The following RBFOX1 variants were observed in gnomAD, a reference collection of about 807,000 sequenced individuals.
The protein encoded by RBFOX1 is RNA binding protein fox-1 homolog 1.
In RBFOX1, 8 loss-of-function variants were observed where a neutral mutation model predicts 57.7. The observed-to-expected ratio is 0.14, with a 90% CI of 0.08 to 0.25. RBFOX1 has a LOEUF of 0.25. Among genes scored for constraint, RBFOX1 ranks in the 10% least tolerant of loss-of-function variants. The pLI is 1.00. For synonymous variants in RBFOX1, 326 were observed against 222.4 expected, an observed-to-expected ratio of 1.47 and a Z score of -4.15; for missense variants, 611 against 548.5, an observed-to-expected ratio of 1.11 and a Z score of -1.14.
At chr16:7,452,323 C>T (rs2098875009) in intron 4 of RBFOX1, among the ~76,000 whole-genome samples, 2 of 152,132 alleles carry the variant, frequency 1.3e-5, no homozygotes, top group African/African-American at 4.8e-5. Flanking sequence ...ATGAGTCAGC[C>T]CGCGTTAGCG....
At position 7,526,223 on chromosome 16, in the gene RBFOX1, T is replaced by G. The variant is rs191660358; in HGVS notation, c.270+7834T>G. Among the ~76,000 whole-genome samples the G allele has an allele frequency of 1.9e-3, 285 of 152,292 alleles. 2 individuals carry two copies. The highest frequency in any genetic ancestry group is 4.1e-3 in the South Asian group (20 of 4,824). ...AAACCATCCTCCCTGCCCCACTGTG[T>G]CCATGGAAAAATTGTCTTCCACAAA... On this transcript the variant is annotated intron_variant, in intron 5 of 15. Transcript: ENST00000550418.
intron 2 of RBFOX1, among the ~76,000 whole-genome samples, chr16:6,515,895 A>G (rs139820637): frequency 6.6e-6 from 1 of 152,266 alleles, no homozygotes; most frequent in Non-Finnish European, 1.5e-5. Flanking sequence ...AGCTTTGCAT[A>G]ATTTTCCTTG....
chr16:6,233,524 T>C (rs2097481893), intron 1 of RBFOX1, among the ~76,000 whole-genome samples: 1 of 152,142 alleles, frequency 6.6e-6, no homozygotes, highest in South Asian at 2.1e-4. Flanking sequence ...CAAAAATCCT[T>C]CGTGTGGGTG....
chr16:5,908,279 C>CGT (rs2058523377), intron 4 of RBFOX1, among the ~76,000 whole-genome samples: 1 of 142,822 alleles, frequency 7.0e-6, no homozygotes, highest in South Asian at 2.3e-4. Context: ...TATATACATA[C>CGT]ATATATATAC....
intron 2 of RBFOX1, among the ~76,000 whole-genome samples, chr16:6,417,707 T>TAAA (rs1555463885): frequency 6.0e-4 from 88 of 146,622 alleles, no homozygotes; most frequent in African/African-American, 1.4e-3. Context: ...CCTTTCTTTT[T>TAAA]AAAAAAAAAA....
At chr16:6,662,720 C>T (rs551342977) in intron 3 of RBFOX1, among the ~76,000 whole-genome samples, 1 of 152,238 alleles carries the variant, frequency 6.6e-6, no homozygotes, top group Admixed American at 6.5e-5. Flanking sequence ...CCAAGAGACC[C>T]AGAGCCCCTG....
At chr16:6,968,693 T>G (rs2084840837) in intron 3 of RBFOX1, among the ~76,000 whole-genome samples, 4 of 152,104 alleles carry the variant, frequency 2.6e-5, no homozygotes, top group Admixed American at 2.0e-4. Flanking sequence ...TCCCATCGAG[T>G]ACACATACTA....
chr16:6,666,205 C>T (rs117918039), intron 3 of RBFOX1, among the ~76,000 whole-genome samples: 5,416 of 152,256 alleles, frequency 0.036, 147 homozygotes, highest in Non-Finnish European at 0.051. Context: ...TCTGTATCAG[C>T]AGCGTGAAAA....
At chr16:6,883,639 A>G (rs894794793) in intron 3 of RBFOX1, among the ~76,000 whole-genome samples, 10 of 152,332 alleles carry the variant, frequency 6.6e-5, no homozygotes, top group African/African-American at 1.9e-4. Context: ...TTTCAAAGCT[A>G]GATTTCTATC....
intron 1 of RBFOX1, among the ~76,000 whole-genome samples, chr16:6,065,268 C>T (rs543330418): frequency 6.0e-5 from 9 of 150,620 alleles, no homozygotes; most frequent in South Asian, 2.1e-4. Flanking sequence ...CTCCTGGTCT[C>T]AAGCAATCCT....
At chr16:5,873,936 G>C (rs1196138311) in intron 4 of RBFOX1, among the ~76,000 whole-genome samples, 2 of 152,166 alleles carry the variant, frequency 1.3e-5, no homozygotes, top group Non-Finnish European at 2.9e-5. Flanking sequence ...TGGGAAAAAA[G>C]CTGCCTGCTC....
chr16:6,930,060 A>C (rs1292655219), intron 3 of RBFOX1, among the ~76,000 whole-genome samples: 2 of 152,128 alleles, frequency 1.3e-5, no homozygotes, highest in Non-Finnish European at 2.9e-5. Flanking sequence ...TCCCATAGCA[A>C]ACCAGCCCTG....
At chr16:6,863,084 A>T (rs184039775) in intron 3 of RBFOX1, among the ~76,000 whole-genome samples, 1 of 152,230 alleles carries the variant, frequency 6.6e-6, no homozygotes, top group East Asian at 1.9e-4. Context: ...ATGGTGGAGA[A>T]CAGTGGAAGG....
At chr16:5,917,270 G>A (rs2058725376) in intron 4 of RBFOX1, among the ~76,000 whole-genome samples, 1 of 152,148 alleles carries the variant, frequency 6.6e-6, no homozygotes, top group Admixed American at 6.5e-5. Context: ...GCCCATGGAA[G>A]CGTGATAATA....
At chr16:7,195,561 G>A (rs970072729) in intron 4 of RBFOX1, among the ~76,000 whole-genome samples, 10 of 152,058 alleles carry the variant, frequency 6.6e-5, no homozygotes, top group Admixed American at 5.2e-4. Context: ...TTATTTATTT[G>A]TTTGTTTATT....
intron 5 of RBFOX1, among the ~76,000 whole-genome samples, chr16:7,546,916 C>T (rs890271595): frequency 1.3e-5 from 2 of 152,158 alleles, no homozygotes; most frequent in African/African-American, 4.8e-5. Flanking sequence ...ACAAGTAGAA[C>T]TTCTGGGTCA....
intron 3 of RBFOX1, among the ~76,000 whole-genome samples, chr16:6,774,601 C>G (rs1227859640): frequency 6.6e-6 from 1 of 152,026 alleles, no homozygotes; most frequent in Non-Finnish European, 1.5e-5. Context: ...TACATGTCAG[C>G]TATATAGAGT....
At chr16:5,620,192 C>T (rs2048162213) in intron 3 of RBFOX1, among the ~76,000 whole-genome samples, 1 of 152,106 alleles carries the variant, frequency 6.6e-6, no homozygotes, top group South Asian at 2.1e-4. Flanking sequence ...GCCATGCTCA[C>T]ATTATCCCAG....
intron 4 of RBFOX1, among the ~76,000 whole-genome samples, chr16:5,928,754 G>A (rs1209428562): frequency 6.6e-6 from 1 of 151,426 alleles, no homozygotes; most frequent in Non-Finnish European, 1.5e-5. Context: ...CCTCAATCCT[G>A]GTATTGTGGG....
Sources: gnomAD v4.1 joint callset for allele counts (sites outside exome capture counted in the v4.1 genomes callset) on GRCh38, gnomAD v4.1.1 for gene constraint, MANE v1.5 for transcripts, NCBI Gene and HGNC (gene_info 2026-07-23, HGNC 2026-07-21) for gene names.